DOK5: variants seen among roughly 807,000 people sequenced by gnomAD.
The protein encoded by DOK5 is docking protein 5.
DOK5 carries 27 observed loss-of-function variants against 43.3 expected under a neutral mutation model. That is an observed-to-expected ratio of 0.62 (90% confidence interval 0.46 to 0.86). The LOEUF (loss-of-function observed/expected upper bound fraction) is 0.86. Among genes scored for constraint, DOK5 ranks in the 40% least tolerant of loss-of-function variants. DOK5 has a pLI of 0.00. For missense variants in DOK5, 373 were observed against 392.9 expected (o/e 0.95, Z 0.43); for synonymous variants, 146 against 140.1 (o/e 1.04, Z -0.30).
At position 54,501,432 on chromosome 20, in the gene DOK5, A is replaced by G. The variant is rs187919126; in HGVS notation, c.66+25420A>G. On this transcript the variant is annotated intron_variant, in intron 1 of 7. Transcript: ENST00000262593. ...CAGTGAGCCGAGATTGCGGCACTGC[A>G]CTCTAGCCTGGGTGACAGAGCGAGA... Among the ~76,000 whole-genome samples the G allele has an allele frequency of 5.5e-4, 78 of 141,346 alleles. 1 individual carries two copies. In the East Asian group the frequency reaches 0.014, roughly 26 times the overall value. 92.7% of individuals were successfully genotyped at this position (141,346 alleles called of 152,430 possible).
At chr20:54,523,790 T>C (rs1041831746) in intron 1 of DOK5, among the ~76,000 whole-genome samples, 10 of 151,690 alleles carry the variant, frequency 6.6e-5, no homozygotes, top group Non-Finnish European at 1.3e-4. Context: ...TTTAGTAGAG[T>C]TGGGGTTTCA....
chr20:54,565,856 A>C (rs1291817737), intron 2 of DOK5, among the ~76,000 whole-genome samples: 2 of 151,980 alleles, frequency 1.3e-5, no homozygotes, highest in African/African-American at 4.8e-5. Context: ...CTCTACTAAA[A>C]AATACAAAAA....
chr20:54,610,367 GT>G lies in DOK5; in HGVS notation c.600-17del, dbSNP rs1156852161. On this transcript the variant is annotated intron_variant, in intron 5 of 7. Transcript: ENST00000262593. ...TCTAGGCGCTGGATTTTCAGAAGCTGTTTTGTTTTTGTTTTCACAGGATGTG... is the reference window on the plus strand; with the variant it reads ...TCTAGGCGCTGGATTTTCAGAAGCTGTTTGTTTTTGTTTTCACAGGATGTG... The G allele has an allele frequency of 6.7e-7, 1 of 1,499,070 alleles. No individual in the cohort carries two copies. Among genetic ancestry groups the G allele is most frequent in the African/African-American group, 1.4e-5 (1 of 71,174 alleles). The allele number at this position is 1,499,070 out of a possible 1,614,324, so 92.9% of individuals were successfully genotyped here.
intron 1 of DOK5, among the ~76,000 whole-genome samples, chr20:54,547,455 C>T (rs923824971): frequency 5.3e-5 from 8 of 152,150 alleles, no homozygotes; most frequent in African/African-American, 1.9e-4. Flanking sequence ...TGAAGGCTTA[C>T]TATTATAGTA....
intron 1 of DOK5, among the ~76,000 whole-genome samples, chr20:54,476,430 C>A (rs1267156803): frequency 6.6e-6 from 1 of 152,146 alleles, no homozygotes; most frequent in Non-Finnish European, 1.5e-5. Context: ...AGAGGACACG[C>A]ATACTCGGTG....
At chr20:54,582,610 G>A (rs1049475863) in intron 2 of DOK5, among the ~76,000 whole-genome samples, 5 of 151,594 alleles carry the variant, frequency 3.3e-5, no homozygotes, top group Non-Finnish European at 7.4e-5. Context: ...TTCAGTCTAC[G>A]TAGGTTGTAT....
intron 1 of DOK5, among the ~76,000 whole-genome samples, chr20:54,490,747 G>A (rs973633321): frequency 1.3e-5 from 2 of 152,084 alleles, no homozygotes; most frequent in Non-Finnish European, 2.9e-5. Flanking sequence ...ATGCCACCAC[G>A]CCCAGCTAAT....
At chr20:54,554,013 C>G (rs1225968820) in intron 1 of DOK5, among the ~76,000 whole-genome samples, 1 of 151,134 alleles carries the variant, frequency 6.6e-6, no homozygotes, top group African/African-American at 2.4e-5. Context: ...TGCATTTTCT[C>G]TCTCTGGCAT....
chr20:54,495,628 C>A (rs73624114), intron 1 of DOK5, among the ~76,000 whole-genome samples: 1 of 152,152 alleles, frequency 6.6e-6, no homozygotes, highest in Non-Finnish European at 1.5e-5. Context: ...CAGTGGCTCA[C>A]GCCTGTAATC....
At chr20:54,561,588 C>A (rs1184972403) in intron 2 of DOK5, among the ~76,000 whole-genome samples, 1 of 152,214 alleles carries the variant, frequency 6.6e-6, no homozygotes, top group Non-Finnish European at 1.5e-5. Context: ...AACCCCAGGG[C>A]AACCCAAGAC....
intron 1 of DOK5, among the ~76,000 whole-genome samples, chr20:54,544,840 A>C (rs1984284572): frequency 6.6e-6 from 1 of 152,146 alleles, no homozygotes; most frequent in Non-Finnish European, 1.5e-5. Context: ...CTGAGAAGAC[A>C]ACTCAAAAGG....
chr20:54,588,755 A>G lies in DOK5; in HGVS notation c.358A>G (p.Ser120Gly). Residue 120 changes from serine to glycine, a missense_variant, in exon 4 of 8, where the codon AGC becomes GGC. Coordinates refer to ENST00000262593, the MANE Select transcript of DOK5 (RefSeq NM_018431.5). The stretch of plus-strand genomic sequence containing the variant: ...TGTAGGAACACGGATCAATGACATC[A>G]GCCTTGGAGAGCCTGACTTACTGGC... Reference protein sequence around the residue: ...ECVGTRINDISLGEPDLLATG... With the variant: ...ECVGTRINDIGLGEPDLLATG... 1.2e-6 allele frequency: 2 copies of G among 1,614,100 alleles called. No homozygotes were observed. The highest frequency in any genetic ancestry group is 1.1e-5 in the South Asian group (1 of 91,082).
At chr20:54,490,050 G>C (rs1982105152) in intron 1 of DOK5, among the ~76,000 whole-genome samples, 1 of 152,188 alleles carries the variant, frequency 6.6e-6, no homozygotes, top group African/African-American at 2.4e-5. Context: ...ACTTGTGGCT[G>C]AGTTTCAAGG....
intron 6 of DOK5, among the ~76,000 whole-genome samples, chr20:54,620,891 G>A (rs981900322): frequency 6.6e-6 from 1 of 152,106 alleles, no homozygotes; most frequent in African/African-American, 2.4e-5. Context: ...CATTCTTGCG[G>A]AGCTTATTTG....
intron 6 of DOK5, among the ~76,000 whole-genome samples, chr20:54,613,675 T>A (rs1986721541): frequency 6.6e-6 from 1 of 152,208 alleles, no homozygotes; most frequent in Non-Finnish European, 1.5e-5. Context: ...TATTTTATTA[T>A]ATGGATATTT....
chr20:54,599,155 T>A (rs1986233216), intron 5 of DOK5, among the ~76,000 whole-genome samples: 1 of 152,242 alleles, frequency 6.6e-6, no homozygotes, highest in Admixed American at 6.5e-5. Context: ...TATTGAAGAA[T>A]TTAAAGCAAG....
At chr20:54,563,862 A>G (rs971001506) in intron 2 of DOK5, among the ~76,000 whole-genome samples, 5 of 152,110 alleles carry the variant, frequency 3.3e-5, no homozygotes, top group African/African-American at 1.2e-4. Context: ...TCTCCGGGTG[A>G]TTGGCCTGAA....
chr20:54,650,463 A>C lies in DOK5; in HGVS notation c.905A>C (p.Tyr302Ser). 6.2e-7 allele frequency: 1 copy of C among 1,614,070 alleles called. No homozygotes were observed. Among genetic ancestry groups the C allele is most frequent in the Non-Finnish European group, 8.5e-7 (1 of 1,180,004 alleles). ...CATCGAACAGAGACTTTTCCAGCCT[A>C]CAGATCTGAGCACTGACAGTAACTG... ...KLHRTETFPA[Y>S]RSEH The change falls in exon 8 of 8, where the codon TAC (tyrosine) becomes TCC (serine). Residue 302 changes from tyrosine to serine, a missense_variant. Transcript: ENST00000262593.
chr20:54,530,725 A>T (rs1983742033), intron 1 of DOK5, among the ~76,000 whole-genome samples: 1 of 152,048 alleles, frequency 6.6e-6, no homozygotes, highest in Non-Finnish European at 1.5e-5. Context: ...CACGTTAATA[A>T]ATTTGTATGC....
Sources: allele counts gnomAD v4.1 joint callset (sites outside exome capture counted in the v4.1 genomes callset), GRCh38; gene constraint gnomAD v4.1.1; transcripts MANE v1.5; gene names NCBI Gene and HGNC (gene_info 2026-07-23, HGNC 2026-07-21).